The following RGS3 variants were observed in gnomAD, a reference collection of about 807,000 sequenced individuals.
The protein encoded by RGS3 is regulator of G-protein signalling 3.
In RGS3, 80 loss-of-function variants were observed where a neutral mutation model predicts 132.6. The observed-to-expected ratio is 0.60, with a 90% confidence interval of 0.50 to 0.73. The LOEUF (loss-of-function observed/expected upper bound fraction) is 0.73. Ranked by LOEUF, RGS3 falls within the 30% of genes least tolerant of loss-of-function variation. The probability of loss-of-function intolerance (pLI) is 0.00; values close to 1 mark genes in which losing one functional copy is unlikely to be tolerated. For missense variants in RGS3, 1,382 were observed against 1,530.8 expected (o/e 0.90, Z 1.62); for synonymous variants, 598 against 620.6 (o/e 0.96, Z 0.54).
intron 19 of RGS3, among the ~76,000 whole-genome samples, chr9:113,562,491 A>AAG (rs1833836329): frequency 6.6e-6 from 1 of 152,090 alleles, no homozygotes; most frequent in Non-Finnish European, 1.5e-5. Context: ...AAAAAAAAAA[A>AAG]AAAAGAAATC....
At chr9:113,517,787 C>T (rs866954099) in intron 16 of RGS3, among the ~76,000 whole-genome samples, 163 bp downstream of exon 14, 18 of 152,110 alleles carry the variant, frequency 1.2e-4, no homozygotes, top group African/African-American at 4.1e-4. Context: ...CAAAGGCTAC[C>T]CAGCTTTTTC....
intron 10 of RGS3, among the ~76,000 whole-genome samples, chr9:113,503,183 C>T (rs1490784307): frequency 3.3e-5 from 5 of 152,310 alleles, no homozygotes; most frequent in Middle Eastern, 3.4e-3. Context: ...TGTCAGAAGC[C>T]GCCAAGGCCT....
chr9:113,499,834 T>C (rs1264157594), intron 10 of RGS3, among the ~76,000 whole-genome samples: 5 of 152,256 alleles, frequency 3.3e-5, no homozygotes, highest in Admixed American at 2.0e-4. Flanking sequence ...GGCACATGTG[T>C]CTAGCTGCGA....
intron 21 of RGS3, chr9:113,593,991 T>C: frequency 2.5e-6 from 4 of 1,613,028 alleles, no homozygotes; most frequent in African/African-American, 1.3e-5. Context: ...AGGCTGTCCC[T>C]TGCAGACACA....
chr9:113,463,623 A>G lies in RGS3; in HGVS notation c.415+1422A>G. On this transcript the variant is annotated intron_variant, in intron 3 of 24. Coordinates refer to ENST00000350696, the Ensembl canonical transcript of RGS3. This position sits in a 1 kb window ranked among gnomAD's most constrained non-coding sequence, Gnocchi z 4.6. ...GGCCCAGCTCTGCTCCGGCAGGTGGAACTCTCCCCATTCAAACCCGCGCGG... is the reference window on the plus strand; with the variant it reads ...GGCCCAGCTCTGCTCCGGCAGGTGGGACTCTCCCCATTCAAACCCGCGCGG... 1.2e-6 allele frequency: 1 copy of G among 810,226 alleles called. No homozygotes were observed. Among genetic ancestry groups the G allele is most frequent in the Non-Finnish European group, 1.6e-6 (1 of 616,906 alleles). 50.2% of individuals were successfully genotyped at this position (810,226 alleles called of 1,614,324 possible).
At chr9:113,501,149 C>G (rs1463635387) in intron 10 of RGS3, among the ~76,000 whole-genome samples, 1 of 152,116 alleles carries the variant, frequency 6.6e-6, no homozygotes, top group Non-Finnish European at 1.5e-5. Context: ...CTAGCAGGGT[C>G]CCTGGGACTT....
At chr9:113,596,625 A>G (rs2119075665) in intron 24 of RGS3, 143 bp from the exon 23 acceptor site, 1 of 649,638 alleles carries the variant, frequency 1.5e-6, no homozygotes, top group Non-Finnish European at 2.6e-6. Context: ...CTCTGGTCTG[A>G]GGGTCTCTAC....
chr9:113,503,316 G>C (rs1299454954), intron 10 of RGS3: 1 of 152,528 alleles, frequency 6.6e-6, no homozygotes, highest in East Asian at 1.9e-4. Context: ...TCCCCTAGGG[G>C]CTGCAGGGAT....
intron 19 of RGS3, among the ~76,000 whole-genome samples, chr9:113,544,842 T>C (rs1157643900): frequency 6.6e-6 from 1 of 152,154 alleles, no homozygotes; most frequent in Non-Finnish European, 1.5e-5. Context: ...CTTTTAGGGA[T>C]AGAAGTAAGA....
At chr9:113,478,989 T>C (rs1260886850) in intron 3 of RGS3, 1 of 163,552 alleles carries the variant, frequency 6.1e-6, no homozygotes, top group African/African-American at 2.4e-5. Flanking sequence ...AGTTTTTCCT[T>C]AAACAATGCT....
chr9:113,515,836 C>T (rs755135367), intron 15 of RGS3, among the ~76,000 whole-genome samples: 9 of 152,144 alleles, frequency 5.9e-5, no homozygotes, highest in Admixed American at 2.6e-4. Flanking sequence ...CTGTGTTTTA[C>T]GGTGGTTGCC....
At chr9:113,526,752 G>A (rs1468232403) in intron 17 of RGS3, among the ~76,000 whole-genome samples, 1 of 152,158 alleles carries the variant, frequency 6.6e-6, no homozygotes, top group Non-Finnish European at 1.5e-5. Context: ...CCTCCTGCAT[G>A]GTCCATGTAT....
chr9:113,585,848 C>T (rs1034972832), intron 20 of RGS3, among the ~76,000 whole-genome samples: 5 of 152,216 alleles, frequency 3.3e-5, no homozygotes, highest in African/African-American at 1.2e-4. Context: ...TGGGGAGATG[C>T]CTTCTGCTGA....
intron 19 of RGS3, among the ~76,000 whole-genome samples, chr9:113,553,713 G>A (rs192338980): frequency 1.7e-4 from 26 of 151,184 alleles, no homozygotes; most frequent in Non-Finnish European, 3.7e-4. Context: ...TGTGGTGCTG[G>A]GTGCCTGTAA....
rs560783459 is a variant in RGS3, at chr9:113,507,596, C to T, written c.1395C>T (p.Asp465=). The change falls in exon 13 of 25, where the codon GAC becomes GAT. Residue 465 remains aspartate, a synonymous_variant. Transcript: ENST00000350696. The surrounding 1 kb of genome is among the most constrained non-coding windows in gnomAD (Gnocchi z 5.0). ...TGTCCCGTGCCACTGCCCCCACCGA[C>T]CCCAACTACATCATCCTGGCCCCGC... is the stretch of plus-strand genomic sequence containing the variant. The T allele has an allele frequency of 1.3e-6, 2 of 1,509,210 alleles. No homozygotes were observed. Among genetic ancestry groups the T allele is most frequent in the East Asian group, 4.7e-5 (2 of 42,736 alleles). 93.5% of individuals were successfully genotyped at this position (1,509,210 alleles called of 1,614,324 possible).
chr9:113,487,438 T>C (rs918009600), intron 7 of RGS3, among the ~76,000 whole-genome samples: 9 of 152,308 alleles, frequency 5.9e-5, no homozygotes, highest in Non-Finnish European at 1.2e-4. Context: ...ACAACAGCTC[T>C]AAGAAGAGTG....
chr9:113,454,693 T>TA (rs1039028355), intron 1 of RGS3, among the ~76,000 whole-genome samples: 1 of 150,698 alleles, frequency 6.6e-6, no homozygotes, highest in Non-Finnish European at 1.5e-5. Flanking sequence ...CTTTTTTTTT[T>TA]TTTTTTTTTT....
At position 113,506,089 on chromosome 9, in the gene RGS3, G is replaced by A. The variant is rs573494359; in HGVS notation, c.980-299G>A. Reference sequence around the variant, plus strand: ...CCCAGGGAAGGTTCTCAATGGGGTAGGAGGCCCTGGGGAGGGGTAAGGGCC... The same window carrying A: ...CCCAGGGAAGGTTCTCAATGGGGTAAGAGGCCCTGGGGAGGGGTAAGGGCC... On this transcript the variant is annotated intron_variant, in intron 11 of 24. Coordinates refer to ENST00000350696, the Ensembl canonical transcript of RGS3. The surrounding 1 kb of genome is among the most constrained non-coding windows in gnomAD (Gnocchi z 4.7). Among the ~76,000 whole-genome samples, 1 of 152,218 alleles carries A rather than the reference G, an allele frequency of 6.6e-6. No homozygotes were observed. Among genetic ancestry groups the A allele is most frequent in the East Asian group, 1.9e-4 (1 of 5,164 alleles).
intron 10 of RGS3, chr9:113,503,320 C>A (rs1018124781): frequency 6.6e-6 from 1 of 152,392 alleles, no homozygotes. Flanking sequence ...CTAGGGGCTG[C>A]AGGGATGGTC....
Sources: allele counts gnomAD v4.1 joint callset (sites outside exome capture counted in the v4.1 genomes callset), GRCh38; gene constraint gnomAD v4.1.1; non-coding constraint Gnocchi (gnomAD v3.1); transcripts MANE v1.5; gene names NCBI Gene and HGNC (gene_info 2026-07-23, HGNC 2026-07-21).